ANKRD30A: variants seen among roughly 807,000 people sequenced by gnomAD.
ANKRD30A encodes ankyrin repeat domain 30A, also known as ankyrin repeat domain-containing protein 30A.
In ANKRD30A, 170 loss-of-function variants were observed where a neutral mutation model predicts 166.3. The observed-to-expected ratio is 1.02, with a 90% confidence interval of 0.90 to 1.16. The LOEUF is 1.16. ANKRD30A is among the 50% of genes most tolerant of loss of function. The pLI is 0.00. For missense variants in ANKRD30A, 1,630 were observed against 1,518.0 expected (o/e 1.07, Z -1.23); for synonymous variants, 564 against 508.9 (o/e 1.11, Z -1.46).
chr10:37,231,464 T>C lies in ANKRD30A; in HGVS notation c.4189T>C (p.Ser1397Pro). Residue 1397 changes from serine (S) to proline (P), a missense_variant, in exon 35 of 36, where the codon TCA becomes CCA. Ser to Pro is a moderately conservative substitution (Grantham distance 74). Coordinates refer to ENST00000361713, the MANE Select transcript of ANKRD30A (RefSeq NM_052997.3). ...TTTCCTTTTGCAATCTTCACAGAAC[T>C]CATGAGAGACAAGCAGTAAGAAACT... The part of the protein sequence containing the change: ...YEKEKAETEN[S>P] 1 of 1,587,954 alleles carries C rather than the reference T, an allele frequency of 6.3e-7. No individual in the cohort carries two copies.
In ANKRD30A at chr10:37,129,898, C is replaced by T; in HGVS notation, c.227C>T (p.Ala76Val). 1 of 1,521,788 alleles carries T rather than the reference C, an allele frequency of 6.6e-7. No individual in the cohort carries two copies. Among genetic ancestry groups the T allele is most frequent in the Non-Finnish European group, 8.8e-7 (1 of 1,130,412 alleles). 94.3% of individuals were successfully genotyped at this position (1,521,788 alleles called of 1,614,324 possible). ...AAGTCCTCTCACTCTCGTAGGACTGCTCTACACTGGGCCTGTGTCAATGGC... is the reference window on the plus strand; with the variant it reads ...AAGTCCTCTCACTCTCGTAGGACTGTTCTACACTGGGCCTGTGTCAATGGC... ...LNIQDAQKRT[A>V]LHWACVNGHE... The change falls in exon 2 of 36, where the codon GCT becomes GTT. Residue 76 changes from alanine (A) to valine (V), a missense_variant. By Grantham distance (64) the Ala-to-Val change is moderately conservative (BLOSUM62 0). Coordinates refer to ENST00000361713, the MANE Select transcript of ANKRD30A (RefSeq NM_052997.3).
intron 6 of ANKRD30A, among the ~76,000 whole-genome samples, chr10:37,137,511 G>A (rs1234198969): frequency 1.1e-4 from 16 of 152,268 alleles, no homozygotes; most frequent in African/African-American, 3.1e-4. Flanking sequence ...CTGGAAAATC[G>A]GGTCACTCCC....
the ANKRD30A span, among the ~76,000 whole-genome samples, chr10:37,265,023 A>T: frequency 5.3e-5 from 8 of 152,096 alleles, no homozygotes; most frequent in East Asian, 1.4e-3. Context: ...TACAGTTTTG[A>T]TGTTGTACTC....
At chr10:37,129,538 A>G (rs1333659520) in intron 1 of ANKRD30A, among the ~76,000 whole-genome samples, 1 of 152,174 alleles carries the variant, frequency 6.6e-6, no homozygotes, top group Admixed American at 6.5e-5. Flanking sequence ...CCATTGAGGC[A>G]TCATAGTGAT....
chr10:37,126,109 G>A, intron 1 of ANKRD30A, 101 bp downstream of exon 1: 1 of 1,291,974 alleles, frequency 7.7e-7, no homozygotes, highest in Non-Finnish European at 1.1e-6. Flanking sequence ...GAAGAAGGGA[G>A]CAGGTGGAGG....
At chr10:37,197,563 T>A in intron 29 of ANKRD30A, 83 bp downstream of exon 29, 1 of 1,589,788 alleles carries the variant, frequency 6.3e-7, no homozygotes, top group Admixed American at 1.7e-5. Flanking sequence ...AATGCTTTAT[T>A]TTTTTCAACT....
intron 9 of ANKRD30A, among the ~76,000 whole-genome samples, chr10:37,147,819 T>C (rs1464043250): frequency 6.6e-6 from 1 of 152,130 alleles, no homozygotes; most frequent in African/African-American, 2.4e-5. Flanking sequence ...CAAAATAAAA[T>C]ATTTTTTAGA....
intron 7 of ANKRD30A, among the ~76,000 whole-genome samples, chr10:37,143,643 C>T (rs992661076): frequency 7.9e-5 from 12 of 151,294 alleles, no homozygotes; most frequent in African/African-American, 2.7e-4. Context: ...GACAGAGCAA[C>T]ATTCCATCTA....
In ANKRD30A at chr10:37,141,831, A is replaced by G. The variant is rs1190299261; in HGVS notation, c.934A>G (p.Arg312Gly). The stretch of plus-strand genomic sequence containing the variant: ...TGATGAGGCTGCACCCTTGGTGGAA[A>G]GAACACCTGACACGGCTGAAAGCTT... ...TPDEAAPLVE[R>G]TPDTAESLVE... Residue 312 changes from arginine (R) to glycine (G), a missense_variant, in exon 7 of 36, where the codon AGA (arginine) becomes GGA (glycine). Around this residue, in one of 4 missense-constraint regions of ANKRD30A, gnomAD observed 904 missense variants for 818.5 expected, o/e 1.10. Coordinates refer to ENST00000361713, the MANE Select transcript of ANKRD30A (RefSeq NM_052997.3). 11 of 1,613,588 alleles carry G rather than the reference A, an allele frequency of 6.8e-6. No homozygotes were observed. Among genetic ancestry groups the G allele is most frequent in the Non-Finnish European group, 9.3e-6 (11 of 1,179,862 alleles).
At chr10:37,211,258 A>G (rs1403666513) in intron 31 of ANKRD30A, among the ~76,000 whole-genome samples, 1 of 152,008 alleles carries the variant, frequency 6.6e-6, no homozygotes, top group Non-Finnish European at 1.5e-5. Context: ...ATCATTTAAC[A>G]TTAGGTATAT....
At chr10:37,231,202 A>G (rs1372839109) in intron 34 of ANKRD30A, among the ~76,000 whole-genome samples, 2 of 151,968 alleles carry the variant, frequency 1.3e-5, no homozygotes, top group Non-Finnish European at 2.9e-5. Flanking sequence ...ATATTTCTAC[A>G]TAGTGAAATA....
chr10:37,217,601 T>C (rs1301104363), intron 32 of ANKRD30A, 94 bp from the exon 33 acceptor site: 36 of 1,014,288 alleles, frequency 3.5e-5, no homozygotes, highest in Non-Finnish European at 4.4e-5. Flanking sequence ...AGGAATTTTA[T>C]TGGACTAATA....
chr10:37,198,413 AT>A (rs1324328735), intron 29 of ANKRD30A, among the ~76,000 whole-genome samples: 2 of 152,112 alleles, frequency 1.3e-5, no homozygotes, highest in Non-Finnish European at 2.9e-5. Context: ...TAACTGCACA[AT>A]TTTTATGCTG....
chr10:37,234,046 CT>C (rs990264227), downstream of ANKRD30A, among the ~76,000 whole-genome samples: 1 of 152,060 alleles, frequency 6.6e-6, no homozygotes, highest in African/African-American at 2.4e-5. Flanking sequence ...TATAAAGAAA[CT>C]GATTATAATA....
In ANKRD30A at chr10:37,130,303, T is replaced by C. The variant is rs1836304799; in HGVS notation, c.435T>C (p.Tyr145=). 1.9e-6 allele frequency: 3 copies of C among 1,605,000 alleles called. No individual in the cohort carries two copies. Among genetic ancestry groups the C allele is most frequent in the Non-Finnish European group, 2.6e-6 (3 of 1,175,960 alleles). ...VDVYGNTALH[Y]AVYSEILSVV... is the part of the protein sequence containing the mutation. The stretch of plus-strand genomic sequence containing the variant: ...TGTATGGCAACACGGCTCTCCATTA[T>C]GCTGTTTATAGTGAGATTTTGTCAG... Residue 145 remains tyrosine (Y), a synonymous_variant, in exon 3 of 36, where the codon TAT becomes TAC. Coordinates refer to ENST00000361713, the MANE Select transcript of ANKRD30A (RefSeq NM_052997.3).
chr10:37,230,145 G>T (rs1843355170), intron 34 of ANKRD30A, among the ~76,000 whole-genome samples: 1 of 151,846 alleles, frequency 6.6e-6, no homozygotes, highest in Non-Finnish European at 1.5e-5. Flanking sequence ...AACTGTAGAA[G>T]ACTTTAATAA....
chr10:37,156,442 G>A lies in ANKRD30A; in HGVS notation c.1799-1950G>A, dbSNP rs531088558. Among the ~76,000 whole-genome samples the A allele has an allele frequency of 2.0e-5, 3 of 152,250 alleles. 1 individual carries two copies. In the South Asian group the frequency reaches 6.2e-4, roughly 32 times the overall value. On this transcript the variant is annotated intron_variant, in intron 13 of 35. Coordinates refer to ENST00000361713, the MANE Select transcript of ANKRD30A (RefSeq NM_052997.3). Reference sequence around the variant, plus strand: ...CTCTGCATGAATTTTGAACTTCAGGGATGATCAGATCACAATTTAGAACCA... The same window carrying A: ...CTCTGCATGAATTTTGAACTTCAGGAATGATCAGATCACAATTTAGAACCA...
chr10:37,241,103 T>C, the ANKRD30A span: 2 of 151,978 alleles, frequency 1.3e-5, no homozygotes, highest in Non-Finnish European at 1.5e-5. Flanking sequence ...CTCAACTCTT[T>C]TTTCCTGACT....
At chr10:37,152,276 C>T (rs996729800) in intron 12 of ANKRD30A, among the ~76,000 whole-genome samples, 155 bp downstream of exon 12, 1 of 151,984 alleles carries the variant, frequency 6.6e-6, no homozygotes, top group African/African-American at 2.4e-5. Context: ...AATCTATGTG[C>T]TAAGTAGATT....
Sources: gnomAD v4.1 joint callset for allele counts (sites outside exome capture counted in the v4.1 genomes callset) on GRCh38, gnomAD v4.1.1 for gene constraint, gnomAD v4.1.1 regional missense constraint, MANE v1.5 for transcripts, NCBI Gene and HGNC (gene_info 2026-07-23, HGNC 2026-07-21) for gene names.